Variants in ZFAT observed in about 807,000 individuals in gnomAD.
ZFAT encodes the protein zinc finger protein ZFAT.
In ZFAT, 64 loss-of-function variants were observed where a neutral mutation model predicts 117.7. That is an observed-to-expected ratio of 0.54 (90% confidence interval 0.44 to 0.67). The LOEUF is 0.67. Among genes scored for constraint, ZFAT ranks in the 30% least tolerant of loss-of-function variants. The pLI, the probability that ZFAT is intolerant of heterozygous loss-of-function variation, is 0.00. For synonymous variants in ZFAT, 679 were observed against 615.0 expected, an observed-to-expected ratio of 1.10 and a Z score of -1.54; for missense variants, 1,433 against 1,584.5, an observed-to-expected ratio of 0.90 and a Z score of 1.62.
the ZFAT span, among the ~76,000 whole-genome samples, chr8:134,802,470 G>A: frequency 6.6e-6 from 1 of 152,164 alleles, no homozygotes; most frequent in Non-Finnish European, 1.5e-5. Flanking sequence ...CATGTAGAAG[G>A]AACTGAGGTG....
the ZFAT span, among the ~76,000 whole-genome samples, chr8:134,819,063 A>G: frequency 6.6e-6 from 1 of 152,238 alleles, no homozygotes; most frequent in Admixed American, 6.5e-5. Flanking sequence ...TATAACAACT[A>G]TATGTCAATA....
the ZFAT span, among the ~76,000 whole-genome samples, chr8:134,780,082 T>C: frequency 6.6e-6 from 1 of 152,218 alleles, no homozygotes; most frequent in African/African-American, 2.4e-5. Context: ...AGTTATCTGA[T>C]GTGGTGTGTT....
rs181740400 is a variant in ZFAT, at chr8:134,647,971, G to A, written c.196+9590C>T. On this transcript the variant is annotated intron_variant, in intron 2 of 15. Coordinates refer to ENST00000377838, the MANE Select transcript of ZFAT (RefSeq NM_020863.4). ...ATCCTGGGAATCTAAGGTAAAGCAT[G>A]ATGACTATAACTAACAACACTGTAT... 1.4e-3 allele frequency among the ~76,000 whole-genome samples: 209 copies of A among 152,178 alleles called. 1 individual carries two copies. Among genetic ancestry groups the A allele is most frequent in the African/African-American group, 4.6e-3 (193 of 41,542 alleles).
chr8:134,657,006 T>C (rs1437656993), intron 2 of ZFAT, among the ~76,000 whole-genome samples: 2 of 152,234 alleles, frequency 1.3e-5, no homozygotes, highest in African/African-American at 4.8e-5. Context: ...CTTTGCAATG[T>C]GAATCCTTGT....
At chr8:134,606,810 T>C (rs913977540) in intron 5 of ZFAT, among the ~76,000 whole-genome samples, 4 of 151,082 alleles carry the variant, frequency 2.6e-5, no homozygotes, top group African/African-American at 9.7e-5. Flanking sequence ...AAAATACACA[T>C]GCTGAAAAAA....
intron 10 of ZFAT, 182 bp from the exon 11 acceptor site, chr8:134,565,603 G>A (rs1308304040): frequency 1.4e-6 from 1 of 707,276 alleles, no homozygotes. Flanking sequence ...TCAACAGGTG[G>A]GAGTGGAGAG....
the ZFAT span, among the ~76,000 whole-genome samples, chr8:134,828,724 C>G: frequency 6.6e-6 from 1 of 152,142 alleles, no homozygotes; most frequent in African/African-American, 2.4e-5. Context: ...AATTAAACTT[C>G]CCAAGTACTT....
chr8:134,504,786 C>T (rs1313239122), intron 15 of ZFAT, among the ~76,000 whole-genome samples: 1 of 152,140 alleles, frequency 6.6e-6, no homozygotes, highest in African/African-American at 2.4e-5. Flanking sequence ...AATCCTTGGC[C>T]CATGTTACAA....
chr8:134,629,572 C>T (rs921593191), intron 3 of ZFAT, among the ~76,000 whole-genome samples: 6 of 152,072 alleles, frequency 3.9e-5, no homozygotes, highest in Admixed American at 1.3e-4. Context: ...GGTGGATTTC[C>T]TCCTTACTGT....
At chr8:134,769,884 T>C in the ZFAT span, among the ~76,000 whole-genome samples, 4 of 152,232 alleles carry the variant, frequency 2.6e-5, no homozygotes, top group Admixed American at 1.3e-4. Flanking sequence ...CTGCCAAACC[T>C]TGGGGCTTGC....
At chr8:134,807,309 G>A in the ZFAT span, among the ~76,000 whole-genome samples, 1 of 152,056 alleles carries the variant, frequency 6.6e-6, no homozygotes, top group African/African-American at 2.4e-5. Context: ...AATCCAGAAC[G>A]AATACAAGCC....
chr8:134,602,401 C>T lies in ZFAT; in HGVS notation c.1318G>A (p.Gly440Arg), dbSNP rs1310117623. ...TCCAGCGCCTGGTACTTGGTGGCCC[C>T]ATGGCCACAGAGCTCACAGGCAAAA... ...WPFACELCGHGATKYQALELH... is the reference protein window; with the variant it reads ...WPFACELCGHRATKYQALELH... The change falls in exon 6 of 16, where the codon GGG (glycine) becomes AGG (arginine). Residue 440 changes from glycine (G) to arginine (R), a missense_variant. By Grantham distance (125) the Gly-to-Arg change is moderately radical (BLOSUM62 -2). Coordinates refer to ENST00000377838, the MANE Select transcript of ZFAT (RefSeq NM_020863.4). 1.2e-6 allele frequency: 2 copies of T among 1,613,896 alleles called. No individual in the cohort carries two copies. Among genetic ancestry groups the T allele is most frequent in the South Asian group, 2.2e-5 (2 of 91,088 alleles).
chr8:134,817,394 T>TCTACACAC, the ZFAT span, among the ~76,000 whole-genome samples: 4 of 125,980 alleles, frequency 3.2e-5, no homozygotes, highest in Middle Eastern at 3.4e-3. Context: ...TCTCTCTCTC[T>TCTACACAC]ACACACACAC....
intron 13 of ZFAT, among the ~76,000 whole-genome samples, chr8:134,514,904 C>T (rs1463206895): frequency 1.3e-5 from 2 of 152,140 alleles, no homozygotes; most frequent in African/African-American, 4.8e-5. Context: ...TGGTTTGCTG[C>T]ACCCATCAAC....
intron 3 of ZFAT, among the ~76,000 whole-genome samples, chr8:134,615,480 T>C (rs1256565677): frequency 6.6e-6 from 1 of 152,156 alleles, no homozygotes; most frequent in Non-Finnish European, 1.5e-5. Flanking sequence ...TGAGCTACTG[T>C]GCCTGGCCCA....
intron 1 of ZFAT, among the ~76,000 whole-genome samples, chr8:134,671,474 A>G (rs548286521): frequency 1.6e-3 from 243 of 152,366 alleles, no homozygotes; most frequent in African/African-American, 5.6e-3. Flanking sequence ...AATGTAATCC[A>G]GCATATAAAC....
At chr8:134,613,057 A>G (rs886789516) in intron 3 of ZFAT, among the ~76,000 whole-genome samples, 7 of 152,252 alleles carry the variant, frequency 4.6e-5, no homozygotes, top group African/African-American at 1.7e-4. Context: ...ATAAATAACT[A>G]TAGCAGAATA....
At chr8:134,634,256 T>C (rs1830071683) in intron 3 of ZFAT, among the ~76,000 whole-genome samples, 1 of 152,208 alleles carries the variant, frequency 6.6e-6, no homozygotes, top group African/African-American at 2.4e-5. Context: ...GATCACAGAA[T>C]ATTATGAATA....
At chr8:134,661,223 G>A (rs1831910922) in intron 1 of ZFAT, among the ~76,000 whole-genome samples, 3 of 152,230 alleles carry the variant, frequency 2.0e-5, no homozygotes, top group Admixed American at 1.3e-4. Context: ...GGCTCAGGGA[G>A]GAAACACACA....
Sources: gnomAD v4.1 joint callset for allele counts (sites outside exome capture counted in the v4.1 genomes callset) on GRCh38, gnomAD v4.1.1 for gene constraint, MANE v1.5 for transcripts, NCBI Gene and HGNC (gene_info 2026-07-23, HGNC 2026-07-21) for gene names.